TMEM167A: variants seen among roughly 807,000 people sequenced by gnomAD.
The protein encoded by TMEM167A is protein kish-A.
TMEM167A carries 8 observed loss-of-function variants against 11.6 expected under a neutral mutation model. The observed-to-expected ratio is 0.69, with a 90% CI of 0.40 to 1.24. The LOEUF is 1.24. TMEM167A is among the 50% of genes most tolerant of loss of function. TMEM167A has a pLI of 0.01. For missense variants in TMEM167A, 62 were observed against 87.0 expected (o/e 0.71, Z 1.14); for synonymous variants, 22 against 28.0 (o/e 0.79, Z 0.67).
intron 1 of TMEM167A, among the ~76,000 whole-genome samples, chr5:83,072,052 A>G (rs938417124): frequency 1.3e-5 from 2 of 152,220 alleles, no homozygotes; most frequent in African/African-American, 2.4e-5. Flanking sequence ...ATGATGAGTA[A>G]AACTACAGTA....
intron 1 of TMEM167A, among the ~76,000 whole-genome samples, chr5:83,075,016 C>A (rs1042242777): frequency 6.6e-6 from 1 of 152,170 alleles, no homozygotes; most frequent in Admixed American, 6.5e-5. Flanking sequence ...TTGATCTACC[C>A]ACCTTGGCCT....
rs184002955 is a variant in TMEM167A at position 83,060,419 on chromosome 5, C to T, written c.148+1458G>A. Among the ~76,000 whole-genome samples, 136 of 148,196 alleles carry T rather than the reference C, an allele frequency of 9.2e-4. No homozygotes were observed. In the Middle Eastern group the frequency reaches 0.014, roughly 15 times the overall value. On this transcript the variant is annotated intron_variant, in intron 3 of 3. Transcript: ENST00000502346. ...TTTTCTTTGGTTATACAAATGATTC[C>T]AAAGAGGACAGATAAGAAATATTCA...
chr5:83,062,652 G>C (rs1744423380), intron 2 of TMEM167A, among the ~76,000 whole-genome samples: 1 of 151,842 alleles, frequency 6.6e-6, no homozygotes, highest in Non-Finnish European at 1.5e-5. Flanking sequence ...TTTAAAAAAA[G>C]ACCGAATCAT....
chr5:83,057,192 AGTGGCTAAC>A, intron 3 of TMEM167A, 38 bp from the exon 4 acceptor site: 1 of 1,582,920 alleles, frequency 6.3e-7, no homozygotes, highest in Non-Finnish European at 8.7e-7. Flanking sequence ...TGATTAACTG[AGTGGCTAAC>A]CTGGCTATGA....
intron 2 of TMEM167A, 64 bp downstream of exon 2, chr5:83,064,944 T>C (rs1258619848): frequency 3.2e-6 from 3 of 950,516 alleles, no homozygotes; most frequent in African/African-American, 1.7e-5. Context: ...ATAATTTATA[T>C]GTTAACTTAC....
intron 1 of TMEM167A, among the ~76,000 whole-genome samples, chr5:83,072,538 C>CT (rs78224714): frequency 0.057 from 8,729 of 151,852 alleles, 296 homozygotes; most frequent in South Asian, 0.17. Flanking sequence ...TCCCTGAAAG[C>CT]TTTTTTTTGA....
At chr5:83,076,884 A>T (rs1046760642) in intron 1 of TMEM167A, among the ~76,000 whole-genome samples, 1 of 152,222 alleles carries the variant, frequency 6.6e-6, no homozygotes, top group Non-Finnish European at 1.5e-5. Flanking sequence ...GACTAAACAG[A>T]TGAAAATGAA....
chr5:83,063,332 C>T (rs754719654), intron 2 of TMEM167A, among the ~76,000 whole-genome samples: 23 of 152,128 alleles, frequency 1.5e-4, no homozygotes, highest in Admixed American at 5.9e-4. Flanking sequence ...AGAATGGTGA[C>T]TTAGATGTAC....
At chr5:83,075,741 T>A (rs1364604017) in intron 1 of TMEM167A, among the ~76,000 whole-genome samples, 4 of 124,256 alleles carry the variant, frequency 3.2e-5, no homozygotes, top group Non-Finnish European at 7.2e-5. Context: ...GGAGACTCCA[T>A]CTCAAAAAAA....
At chr5:83,070,400 CAT>C (rs893160779) in intron 1 of TMEM167A, among the ~76,000 whole-genome samples, 15 of 152,124 alleles carry the variant, frequency 9.9e-5, no homozygotes, top group African/African-American at 3.6e-4. Flanking sequence ...TCTGACAACT[CAT>C]AATCAATAAG....
At chr5:83,075,573 C>T (rs1345361101) in intron 1 of TMEM167A, among the ~76,000 whole-genome samples, 2 of 151,962 alleles carry the variant, frequency 1.3e-5, no homozygotes, top group Non-Finnish European at 2.9e-5. Flanking sequence ...GGTGAAACCT[C>T]GTCTCTACTA....
intron 1 of TMEM167A, among the ~76,000 whole-genome samples, chr5:83,066,009 T>A (rs1353414055): frequency 6.6e-6 from 1 of 152,148 alleles, no homozygotes; most frequent in Non-Finnish European, 1.5e-5. Flanking sequence ...TAGCAAACTG[T>A]TACCTTTATT....
intron 1 of TMEM167A, among the ~76,000 whole-genome samples, chr5:83,071,046 C>T (rs991750303): frequency 6.6e-6 from 1 of 152,048 alleles, no homozygotes; most frequent in African/African-American, 2.4e-5. Context: ...CATCAATATG[C>T]TAAACAAGCT....
intron 1 of TMEM167A, among the ~76,000 whole-genome samples, chr5:83,075,780 G>C (rs1744639494): frequency 6.6e-6 from 1 of 151,866 alleles, no homozygotes; most frequent in African/African-American, 2.4e-5. Context: ...CAGTAATTCA[G>C]GTTTATTAAG....
chr5:83,064,443 A>G (rs1458634733), intron 2 of TMEM167A: 2 of 436,892 alleles, frequency 4.6e-6, no homozygotes, highest in Non-Finnish European at 9.0e-6. Flanking sequence ...TTAGATGGAC[A>G]TTATGCATTA....
intron 2 of TMEM167A, among the ~76,000 whole-genome samples, chr5:83,062,742 T>C (rs1399552238): frequency 1.3e-5 from 2 of 152,020 alleles, no homozygotes; most frequent in African/African-American, 2.4e-5. Context: ...TTATAAATAG[T>C]GTCACATATG....
At chr5:83,071,711 G>A (rs1163554045) in intron 1 of TMEM167A, among the ~76,000 whole-genome samples, 3 of 152,206 alleles carry the variant, frequency 2.0e-5, no homozygotes, top group Admixed American at 6.5e-5. Context: ...TGCTTATCAC[G>A]TGGTAGGGTG....
At chr5:83,068,635 A>G (rs1291521857) in intron 1 of TMEM167A, among the ~76,000 whole-genome samples, 1 of 152,138 alleles carries the variant, frequency 6.6e-6, no homozygotes, top group Non-Finnish European at 1.5e-5. Flanking sequence ...CAAGCTCCAG[A>G]AGAGAAAAAA....
chr5:83,068,962 T>C (rs569241746), intron 1 of TMEM167A, among the ~76,000 whole-genome samples: 2 of 152,320 alleles, frequency 1.3e-5, no homozygotes, highest in African/African-American at 2.4e-5. Flanking sequence ...TGAGGGTTCA[T>C]TATAGGCTTC....
Sources: allele counts gnomAD v4.1 joint callset (sites outside exome capture counted in the v4.1 genomes callset), GRCh38; gene constraint gnomAD v4.1.1; transcripts MANE v1.5; gene names NCBI Gene and HGNC (gene_info 2026-07-23, HGNC 2026-07-21).